TBCK: variants seen among roughly 807,000 people sequenced by gnomAD.
The protein encoded by TBCK is TBC1 domain containing kinase.
TBCK carries 99 observed loss-of-function variants against 113.4 expected under a neutral mutation model. That is an observed-to-expected ratio of 0.87 (90% CI 0.74 to 1.03). The LOEUF is 1.03. Among genes scored for constraint, TBCK ranks in the 50% least tolerant of loss-of-function variants. TBCK has a pLI of 0.00. For missense variants in TBCK, 1,045 were observed against 1,061.3 expected (o/e 0.98, Z 0.21); for synonymous variants, 369 against 370.8 (o/e 1.00, Z 0.05).
chr4:106,269,493 T>C (rs1162953284), intron 3 of TBCK, among the ~76,000 whole-genome samples: 2 of 152,088 alleles, frequency 1.3e-5, no homozygotes, highest in African/African-American at 4.8e-5. Flanking sequence ...CAACAGTTTC[T>C]GGAATTGAAA....
chr4:106,256,052 T>A (rs549170013), intron 5 of TBCK, among the ~76,000 whole-genome samples: 52 of 152,214 alleles, frequency 3.4e-4, no homozygotes, highest in African/African-American at 1.3e-3. Context: ...TGGCCATCCA[T>A]CATCTGCTCA....
At chr4:106,061,276 T>C (rs1186451452) in intron 25 of TBCK, among the ~76,000 whole-genome samples, 1 of 151,712 alleles carries the variant, frequency 6.6e-6, no homozygotes, top group Non-Finnish European at 1.5e-5. Flanking sequence ...ACGTCATTGT[T>C]GTCTTATGTT....
At chr4:106,118,429 T>G (rs114393400) in intron 23 of TBCK, among the ~76,000 whole-genome samples, 3,226 of 152,248 alleles carry the variant, frequency 0.021, 43 homozygotes, top group South Asian at 0.059. Context: ...AAATAGGCAT[T>G]AAGAATCTTA....
intron 3 of TBCK, among the ~76,000 whole-genome samples, chr4:106,285,446 A>G (rs1765019815): frequency 6.6e-6 from 1 of 152,120 alleles, no homozygotes; most frequent in African/African-American, 2.4e-5. Context: ...TCAGTACAAT[A>G]TTGTTTCATT....
chr4:106,239,562 T>C (rs1414252944), intron 12 of TBCK, among the ~76,000 whole-genome samples: 2 of 152,008 alleles, frequency 1.3e-5, no homozygotes, highest in Non-Finnish European at 2.9e-5. Flanking sequence ...AGCCCACCAA[T>C]AGGTGACATT....
intron 22 of TBCK, chr4:106,182,477 C>T: frequency 6.6e-6 from 1 of 152,190 alleles, no homozygotes; most frequent in Non-Finnish European, 1.5e-5. Context: ...CCAGTTTTTG[C>T]CCGTTCAGTA....
In TBCK at chr4:106,282,204, T is replaced by C. The variant is rs116772041; in HGVS notation, c.266+12890A>G. 5.0e-3 allele frequency among the ~76,000 whole-genome samples: 767 copies of C among 152,248 alleles called. 11 individuals are homozygous for C. The highest frequency in any genetic ancestry group is 0.017 in the African/African-American group (722 of 41,562). ...CAATTTATTGGCATAGAGTTGTTCA[T>C]AGAAGTCTCTAATGATCCTTTGAGT... On this transcript the variant is annotated intron_variant, in intron 3 of 25. Coordinates refer to ENST00000394708, the MANE Select transcript of TBCK (RefSeq NM_001163435.3).
At chr4:106,185,787 T>C (rs1579168491) in intron 22 of TBCK, among the ~76,000 whole-genome samples, 3 of 152,122 alleles carry the variant, frequency 2.0e-5, no homozygotes, top group Admixed American at 6.6e-5. Flanking sequence ...TATGGGTAGG[T>C]TGCGTGCTGC....
intron 24 of TBCK, among the ~76,000 whole-genome samples, chr4:106,106,357 G>A (rs1003849778): frequency 2.0e-5 from 3 of 152,126 alleles, no homozygotes; most frequent in Admixed American, 1.3e-4. Flanking sequence ...TTCCAAGGTC[G>A]AAATGAGAGA....
intron 23 of TBCK, among the ~76,000 whole-genome samples, chr4:106,152,626 C>G (rs1021159444): frequency 5.3e-5 from 8 of 152,040 alleles, no homozygotes; most frequent in African/African-American, 1.7e-4. Context: ...CTTCCCTCCA[C>G]TATTTTTCAG....
chr4:106,236,171 T>C (rs888862670), intron 14 of TBCK, among the ~76,000 whole-genome samples: 8 of 152,068 alleles, frequency 5.3e-5, no homozygotes, highest in African/African-American at 1.9e-4. Context: ...TATTCCTTTT[T>C]TAACATGATT....
intron 3 of TBCK, among the ~76,000 whole-genome samples, chr4:106,281,934 G>C (rs1560961663): frequency 6.6e-6 from 1 of 152,060 alleles, no homozygotes; most frequent in Non-Finnish European, 1.5e-5. Context: ...GAGCTTAGAA[G>C]AATTCCTTCC....
At chr4:106,181,121 A>T (rs1456494750) in intron 22 of TBCK, among the ~76,000 whole-genome samples, 1 of 152,150 alleles carries the variant, frequency 6.6e-6, no homozygotes, top group Non-Finnish European at 1.5e-5. Context: ...ATGACCAGTG[A>T]TGATGAGCAT....
chr4:106,280,333 C>G (rs968438327), intron 3 of TBCK, among the ~76,000 whole-genome samples: 7 of 151,992 alleles, frequency 4.6e-5, no homozygotes, highest in African/African-American at 1.7e-4. Flanking sequence ...TAGTTATTAG[C>G]CCCTTGTCAG....
intron 19 of TBCK, among the ~76,000 whole-genome samples, chr4:106,228,646 T>C (rs540121169): frequency 2.6e-5 from 4 of 152,182 alleles, no homozygotes; most frequent in Admixed American, 6.5e-5. Context: ...CACTTGTCTG[T>C]TGATGGACAC....
intron 3 of TBCK, among the ~76,000 whole-genome samples, chr4:106,291,029 G>A (rs928742783): frequency 6.6e-6 from 1 of 152,118 alleles, no homozygotes; most frequent in Non-Finnish European, 1.5e-5. Flanking sequence ...ATTACTTGCA[G>A]ACTCATCAAA....
intron 12 of TBCK, among the ~76,000 whole-genome samples, chr4:106,239,829 A>G (rs577624939): frequency 1.6e-4 from 18 of 112,484 alleles, no homozygotes; most frequent in Admixed American, 1.2e-3. Context: ...GTAATCATAT[A>G]AAGTCTTTCA....
Position 106,164,006 on chromosome 4 carries a change from T to G in TBCK, c.2235+7089A>C, listed in dbSNP as rs569045706. On this transcript the variant is annotated intron_variant, in intron 23 of 25. Coordinates refer to ENST00000394708, the MANE Select transcript of TBCK (RefSeq NM_001163435.3). ...TTATTATTATTATTTGCTTATTTTT[T>G]GGGCCAATGGTAGAATAAGATTATA... Among the ~76,000 whole-genome samples the G allele has an allele frequency of 5.3e-5, 8 of 152,282 alleles. 1 individual carries two copies. Among genetic ancestry groups the G allele is most frequent in the Non-Finnish European group, 7.4e-5 (5 of 68,010 alleles).
At chr4:106,062,732 CA>C (rs983095793) in intron 25 of TBCK, among the ~76,000 whole-genome samples, 1 of 151,764 alleles carries the variant, frequency 6.6e-6, no homozygotes, top group Non-Finnish European at 1.5e-5. Flanking sequence ...CATATTGAGA[CA>C]AGATAACTTT....
Sources: gnomAD v4.1 joint callset for allele counts (sites outside exome capture counted in the v4.1 genomes callset) on GRCh38, gnomAD v4.1.1 for gene constraint, MANE v1.5 for transcripts, NCBI Gene and HGNC (gene_info 2026-07-23, HGNC 2026-07-21) for gene names.